EFEMP1: variants seen among roughly 807,000 people sequenced by gnomAD.
EFEMP1 encodes EGF-like fibulin extracellular matrix protein 1.
EFEMP1 carries 18 observed loss-of-function variants against 65.7 expected under a neutral mutation model. That is an observed-to-expected ratio of 0.27 (90% CI 0.19 to 0.41). EFEMP1 has a LOEUF of 0.41. Ranked by LOEUF, EFEMP1 falls within the 10% of genes least tolerant of loss-of-function variation. The pLI, the probability that EFEMP1 is intolerant of heterozygous loss-of-function variation, is 1.00. For synonymous variants in EFEMP1, 237 were observed against 219.7 expected (o/e 1.08, Z -0.70); for missense variants, 469 against 624.8 (o/e 0.75, Z 2.66).
intron 5 of EFEMP1, among the ~76,000 whole-genome samples, chr2:55,895,962 C>T (rs1669817441): frequency 6.6e-6 from 1 of 152,172 alleles, no homozygotes; most frequent in Non-Finnish European, 1.5e-5. Flanking sequence ...GGATGAAGCA[C>T]CTTGTCTGGC....
rs1189250953 is a variant in EFEMP1 at position 55,870,303 on chromosome 2, T to C, written c.1320+417A>G. Among the ~76,000 whole-genome samples, 1 of 149,454 alleles carries C rather than the reference T, an allele frequency of 6.7e-6. No homozygotes were observed. Among genetic ancestry groups the C allele is most frequent in the Non-Finnish European group, 1.5e-5 (1 of 67,512 alleles). ...AATTATTTTGGGTTTGAATTATATG[T>C]ATGTCTATGTATAATTAATTAACCA... On this transcript the variant is annotated intron_variant, in intron 11 of 11. Coordinates refer to ENST00000355426, the MANE Select transcript of EFEMP1 (RefSeq NM_001039348.3). This position sits in a 1 kb window ranked among gnomAD's most constrained non-coding sequence, Gnocchi z 5.8.
intron 5 of EFEMP1, among the ~76,000 whole-genome samples, chr2:55,905,290 T>G (rs1670210806): frequency 6.6e-6 from 1 of 152,216 alleles, no homozygotes; most frequent in Admixed American, 6.5e-5. Context: ...ATTAAGGTCT[T>G]CCTGATTTTC....
intron 5 of EFEMP1, among the ~76,000 whole-genome samples, chr2:55,897,698 C>G (rs1669880476): frequency 6.6e-6 from 1 of 152,220 alleles, no homozygotes; most frequent in Non-Finnish European, 1.5e-5. Context: ...AGTCCAGCCT[C>G]ACCCCTACTC....
intron 5 of EFEMP1, among the ~76,000 whole-genome samples, chr2:55,912,840 G>A (rs1395100579): frequency 6.6e-6 from 1 of 152,062 alleles, no homozygotes; most frequent in Non-Finnish European, 1.5e-5. Context: ...TTGGCTGTGT[G>A]GTGAAATTTT....
At chr2:55,898,192 T>G (rs1669901615) in intron 5 of EFEMP1, among the ~76,000 whole-genome samples, 1 of 152,188 alleles carries the variant, frequency 6.6e-6, no homozygotes, top group Non-Finnish European at 1.5e-5. Flanking sequence ...AATTGGTTAT[T>G]TCATGAAGTG....
At chr2:55,891,527 C>T (rs1572814433) in intron 5 of EFEMP1, among the ~76,000 whole-genome samples, 1 of 152,132 alleles carries the variant, frequency 6.6e-6, no homozygotes, top group Non-Finnish European at 1.5e-5. Flanking sequence ...AATATCTATA[C>T]TTTCTCTCAT....
In EFEMP1 at chr2:55,870,618, G is replaced by A; in HGVS notation, c.1320+102C>T. 7.0e-7 allele frequency: 1 copy of A among 1,430,292 alleles called. No homozygotes were observed. The highest frequency in any genetic ancestry group is 9.8e-7 in the Non-Finnish European group (1 of 1,024,118). 88.6% of individuals were successfully genotyped at this position (1,430,292 alleles called of 1,614,324 possible). On this transcript the variant is annotated intron_variant, in intron 11 of 11. Coordinates refer to ENST00000355426, the MANE Select transcript of EFEMP1 (RefSeq NM_001039348.3). This position sits in a 1 kb window ranked among gnomAD's most constrained non-coding sequence, Gnocchi z 5.8. ...TACACATAAGACACTTTAAATGTTT[G>A]CTTTCCTTCCACATGTGGATACCAC... is the stretch of plus-strand genomic sequence containing the variant.
intron 5 of EFEMP1, among the ~76,000 whole-genome samples, chr2:55,916,159 GAGTGC>G (rs1386403859): frequency 1.3e-5 from 2 of 150,176 alleles, no homozygotes; most frequent in Non-Finnish European, 3.0e-5. Context: ...GCCCAGGCTG[GAGTGC>G]AGTAGCATGA....
intron 5 of EFEMP1, among the ~76,000 whole-genome samples, chr2:55,903,788 T>C (rs1181100785): frequency 6.6e-6 from 1 of 152,200 alleles, no homozygotes; most frequent in Non-Finnish European, 1.5e-5. Flanking sequence ...TATATGCATG[T>C]ATACATATAT....
chr2:55,878,739 TG>T (rs532242615), intron 6 of EFEMP1, among the ~76,000 whole-genome samples: 277 of 152,312 alleles, frequency 1.8e-3, no homozygotes, highest in African/African-American at 6.1e-3. Flanking sequence ...TGTGCTCAAG[TG>T]GCCTCAGGAT....
At chr2:55,882,641 C>A (rs1420627024) in intron 5 of EFEMP1, among the ~76,000 whole-genome samples, 4 of 152,064 alleles carry the variant, frequency 2.6e-5, no homozygotes, top group Admixed American at 2.6e-4. Context: ...ATTCGGCTCT[C>A]CTATATCATG....
chr2:55,893,884 A>G (rs1395254641), intron 5 of EFEMP1, among the ~76,000 whole-genome samples: 2 of 152,232 alleles, frequency 1.3e-5, no homozygotes, highest in African/African-American at 4.8e-5. Flanking sequence ...AGGAGCATCT[A>G]TGGTATGACC....
intron 8 of EFEMP1, 126 bp from the exon 9 acceptor site, chr2:55,875,191 TA>T: frequency 2.8e-6 from 1 of 354,544 alleles, no homozygotes; most frequent in South Asian, 1.0e-4. Context: ...TATATTAAAA[TA>T]ATTATATATA....
chr2:55,884,845 G>GA (rs1572804328), intron 5 of EFEMP1, among the ~76,000 whole-genome samples: 1 of 152,078 alleles, frequency 6.6e-6, no homozygotes, highest in Admixed American at 6.6e-5. Context: ...GGGGATGGGG[G>GA]ATCTATGTCT....
At chr2:55,880,243 G>A (rs1236817508) in intron 6 of EFEMP1, among the ~76,000 whole-genome samples, 1 of 152,266 alleles carries the variant, frequency 6.6e-6, no homozygotes, top group Non-Finnish European at 1.5e-5. Flanking sequence ...AGGGAAGCAG[G>A]AGGGGAAGAC....
chr2:55,876,810 T>C, intron 7 of EFEMP1, 68 bp from the exon 8 acceptor site: 7 of 952,816 alleles, frequency 7.3e-6, no homozygotes, highest in Non-Finnish European at 1.0e-5. Flanking sequence ...ATATATAGAC[T>C]TTAAACATAT....
At chr2:55,900,175 A>G (rs1172439279) in intron 5 of EFEMP1, among the ~76,000 whole-genome samples, 1 of 152,210 alleles carries the variant, frequency 6.6e-6, no homozygotes. Context: ...ATGAGGAAAG[A>G]GGAATTTAGT....
intron 5 of EFEMP1, among the ~76,000 whole-genome samples, chr2:55,884,361 T>C (rs186694689): frequency 2.0e-5 from 3 of 152,366 alleles, no homozygotes; most frequent in African/African-American, 7.2e-5. Flanking sequence ...TTGGCTTTTC[T>C]ACTTCTATGC....
At position 55,923,753 on chromosome 2, in the gene EFEMP1, G is replaced by A. The variant is rs1031490313; in HGVS notation, c.-91C>T. ...GCTCCGGGCCCGGGCAGCGAGGGGA[G>A]TGCGCAGGGGAGGGCAGCCCCGTGG... On this transcript the variant is annotated 5_prime_UTR_variant, in exon 1 of 12. Coordinates refer to ENST00000355426, the MANE Select transcript of EFEMP1 (RefSeq NM_001039348.3). This position sits in a 1 kb window ranked among gnomAD's most constrained non-coding sequence, Gnocchi z 5.3. The A allele has an allele frequency of 4.0e-5, 39 of 985,888 alleles. No individual in the cohort carries two copies. Among genetic ancestry groups the A allele is most frequent in the Non-Finnish European group, 4.5e-5 (37 of 830,432 alleles). 61.1% of individuals were successfully genotyped at this position (985,888 alleles called of 1,614,324 possible).
Sources: allele counts gnomAD v4.1 joint callset (sites outside exome capture counted in the v4.1 genomes callset), GRCh38; gene constraint gnomAD v4.1.1; non-coding constraint Gnocchi (gnomAD v3.1); transcripts MANE v1.5; gene names NCBI Gene and HGNC (gene_info 2026-07-23, HGNC 2026-07-21).